The following SPAG16 variants were observed in gnomAD, a reference collection of about 807,000 sequenced individuals.
SPAG16 encodes the protein sperm associated antigen 16.
A neutral mutation model predicts 80.4 loss-of-function variants in SPAG16; 86 were observed. That is an observed-to-expected ratio of 1.07 (90% confidence interval 0.90 to 1.28). The LOEUF (loss-of-function observed/expected upper bound fraction) is 1.28. Among genes scored for constraint, SPAG16 ranks in the 50% most tolerant of loss-of-function variants. SPAG16 has a pLI of 0.00. For synonymous variants in SPAG16, 294 were observed against 265.9 expected, an observed-to-expected ratio of 1.11 and a Z score of -1.03; for missense variants, 870 against 765.3, an observed-to-expected ratio of 1.14 and a Z score of -1.61.
rs981270125 is a variant in SPAG16 at position 214,075,950 on chromosome 2, A to C, written c.1528-32246A>C. 1.2e-4 allele frequency among the ~76,000 whole-genome samples: 19 copies of C among 152,054 alleles called. 1 individual carries two copies. Among genetic ancestry groups the C allele is most frequent in the African/African-American group, 4.6e-4 (19 of 41,388 alleles). On this transcript the variant is annotated intron_variant, in intron 13 of 15. Coordinates refer to ENST00000331683, the MANE Select transcript of SPAG16 (RefSeq NM_024532.5). Reference sequence around the variant, plus strand: ...TTGATTACAACTAATTAGCAAATAAATTTTCTTTCTGTCATATCCCCTTAT... The same window carrying C: ...TTGATTACAACTAATTAGCAAATAACTTTTCTTTCTGTCATATCCCCTTAT...
chr2:213,364,785 A>G (rs544962989), intron 8 of SPAG16: 1 of 152,360 alleles, frequency 6.6e-6, no homozygotes, highest in East Asian at 1.9e-4. Flanking sequence ...CAAGAGAGAT[A>G]CAATTATATA....
At chr2:213,755,861 A>G (rs2068301708) in intron 10 of SPAG16, among the ~76,000 whole-genome samples, 1 of 152,236 alleles carries the variant, frequency 6.6e-6, no homozygotes, top group Non-Finnish European at 1.5e-5. Context: ...TTCTGTGACC[A>G]AATTATTCAG....
intron 12 of SPAG16, among the ~76,000 whole-genome samples, chr2:213,987,673 A>G (rs573974009): frequency 6.3e-4 from 95 of 151,930 alleles, no homozygotes; most frequent in Non-Finnish European, 1.2e-3. Context: ...TATATTTGGC[A>G]CTGTGATGAA....
chr2:213,422,433 T>A (rs2069655402), intron 9 of SPAG16: 2 of 621,914 alleles, frequency 3.2e-6, no homozygotes, highest in African/African-American at 1.8e-5. Context: ...TGGTTCTCAC[T>A]TGCTCACACA....
rs369740160 is a variant in SPAG16 at position 213,383,528 on chromosome 2, T to G, written c.942+8409T>G. ...AATCCTCTTGAATGATGATATACAC[T>G]CCAATAGAGTGTGTGCCACTTGAGT... On this transcript the variant is annotated intron_variant, in intron 9 of 15. Transcript: ENST00000331683. 9.2e-5 allele frequency among the ~76,000 whole-genome samples: 14 copies of G among 152,292 alleles called. 1 individual carries two copies. The East Asian group carries it at 2.5e-3, about 27-fold the overall frequency.
At chr2:213,551,384 C>T (rs1304591730) in intron 10 of SPAG16, among the ~76,000 whole-genome samples, 1 of 152,172 alleles carries the variant, frequency 6.6e-6, no homozygotes, top group Non-Finnish European at 1.5e-5. Context: ...ATTTCAAGAA[C>T]TCTGCAGTAT....
At chr2:213,440,068 A>T (rs1451985784) in intron 9 of SPAG16, among the ~76,000 whole-genome samples, 1 of 152,138 alleles carries the variant, frequency 6.6e-6, no homozygotes, top group Non-Finnish European at 1.5e-5. Context: ...TGCTAGGCTA[A>T]TCCATATATC....
chr2:213,895,600 T>C (rs866988685), intron 11 of SPAG16, among the ~76,000 whole-genome samples: 2 of 152,098 alleles, frequency 1.3e-5, no homozygotes, highest in African/African-American at 2.4e-5. Context: ...CAGATATAAA[T>C]CCGTGCATTT....
chr2:213,972,869 G>A (rs1371622537), intron 12 of SPAG16, among the ~76,000 whole-genome samples: 3 of 151,978 alleles, frequency 2.0e-5, no homozygotes, highest in African/African-American at 4.8e-5. Context: ...TCCACTCTGT[G>A]GGTTGTGTTT....
At chr2:213,768,716 A>G (rs577034500) in intron 10 of SPAG16, among the ~76,000 whole-genome samples, 1 of 152,336 alleles carries the variant, frequency 6.6e-6, no homozygotes, top group East Asian at 1.9e-4. Flanking sequence ...ATCCAATCAC[A>G]TATCTGGGTG....
intron 15 of SPAG16, among the ~76,000 whole-genome samples, chr2:214,405,911 A>G (rs1701972629): frequency 6.6e-6 from 1 of 152,226 alleles, no homozygotes; most frequent in South Asian, 2.1e-4. Flanking sequence ...ATGTGATGTA[A>G]AAAAGAAAGC....
chr2:213,717,928 A>G (rs1394973715), intron 10 of SPAG16, among the ~76,000 whole-genome samples: 1 of 152,190 alleles, frequency 6.6e-6, no homozygotes, highest in Non-Finnish European at 1.5e-5. Context: ...CATTCAGGAC[A>G]TAGGCATGGG....
intron 15 of SPAG16, among the ~76,000 whole-genome samples, chr2:214,271,697 G>A (rs1315201523): frequency 6.6e-6 from 1 of 152,156 alleles, no homozygotes; most frequent in Non-Finnish European, 1.5e-5. Context: ...CTACTCGGAA[G>A]GCTGAGGCAG....
intron 15 of SPAG16, among the ~76,000 whole-genome samples, chr2:214,176,650 G>A (rs1418680394): frequency 6.6e-6 from 1 of 151,020 alleles, no homozygotes; most frequent in South Asian, 2.1e-4. Flanking sequence ...TTTCCCTTGG[G>A]AGCTCGGTAA....
intron 10 of SPAG16, among the ~76,000 whole-genome samples, chr2:213,838,241 G>T (rs1048816744): frequency 6.6e-6 from 1 of 152,064 alleles, no homozygotes; most frequent in Non-Finnish European, 1.5e-5. Context: ...GTGTAATCTT[G>T]ACTCACCGCA....
rs1163909534 is a variant in SPAG16, at chr2:213,426,370, C to G, written c.942+51251C>G. Among the ~76,000 whole-genome samples, 4 of 151,486 alleles carry G rather than the reference C, an allele frequency of 2.6e-5. No homozygotes were observed. The East Asian group carries it at 7.7e-4, about 29-fold the overall frequency. ...CATTTGAGATTATTGAAATGAGCAC[C>G]CAAATTTTCTTCTAGTACTTTTATA... is the stretch of plus-strand genomic sequence containing the variant. On this transcript the variant is annotated intron_variant, in intron 9 of 15. Coordinates refer to ENST00000331683, the MANE Select transcript of SPAG16 (RefSeq NM_024532.5).
chr2:213,979,322 A>G (rs1484705919), intron 12 of SPAG16, among the ~76,000 whole-genome samples: 1 of 152,104 alleles, frequency 6.6e-6, no homozygotes, highest in Non-Finnish European at 1.5e-5. Flanking sequence ...AGGGAAATTA[A>G]GACTCTTATC....
chr2:213,878,727 C>G lies in SPAG16; in HGVS notation c.1214+16099C>G, dbSNP rs868025650. 1.8e-4 allele frequency among the ~76,000 whole-genome samples: 27 copies of G among 152,186 alleles called. No individual in the cohort carries two copies. In the Middle Eastern group the frequency reaches 0.014, roughly 77 times the overall value. On this transcript the variant is annotated intron_variant, in intron 11 of 15. Transcript: ENST00000331683. ...GAGGTCTTAGTCATAAATTCTTTGC[C>G]TAAACCACCATCCAGAAGAGTTTTC...
intron 15 of SPAG16, among the ~76,000 whole-genome samples, chr2:214,320,607 G>A (rs971863459): frequency 6.6e-6 from 1 of 152,226 alleles, no homozygotes; most frequent in Non-Finnish European, 1.5e-5. Context: ...AGAAGGTGAA[G>A]GGGAAGCAAG....
Sources: gnomAD v4.1 joint callset for allele counts (sites outside exome capture counted in the v4.1 genomes callset) on GRCh38, gnomAD v4.1.1 for gene constraint, MANE v1.5 for transcripts, NCBI Gene and HGNC (gene_info 2026-07-23, HGNC 2026-07-21) for gene names.